Variants in CCDC6 observed in about 807,000 individuals in gnomAD.
The protein encoded by CCDC6 is coiled-coil domain containing 6, also known as coiled-coil domain-containing protein 6.
CCDC6 carries 20 observed loss-of-function variants against 56.6 expected under a neutral mutation model. The ratio of observed to expected loss-of-function variants is 0.35; its 90% CI spans 0.25 to 0.51. The LOEUF is 0.51. Among genes scored for constraint, CCDC6 ranks in the 20% least tolerant of loss-of-function variants. CCDC6 has a pLI of 0.95. For missense variants in CCDC6, 367 were observed against 601.1 expected, an observed-to-expected ratio of 0.61 and a Z score of 4.07; for synonymous variants, 241 against 234.4, an observed-to-expected ratio of 1.03 and a Z score of -0.26.
chr10:59,851,951 G>A (rs1486648209), intron 2 of CCDC6, among the ~76,000 whole-genome samples: 1 of 152,038 alleles, frequency 6.6e-6, no homozygotes, highest in African/African-American at 2.4e-5. Flanking sequence ...GGGAGAGAAT[G>A]AGCCTCTGAA....
At chr10:59,808,624 T>G (rs1487109196) in intron 5 of CCDC6, among the ~76,000 whole-genome samples, 1 of 152,224 alleles carries the variant, frequency 6.6e-6, no homozygotes, top group Non-Finnish European at 1.5e-5. Context: ...CATGAGCACG[T>G]CTAAGAGAGT....
intron 1 of CCDC6, among the ~76,000 whole-genome samples, chr10:59,860,016 A>G (rs118174720): frequency 0.016 from 2,509 of 152,278 alleles, 28 homozygotes; most frequent in Middle Eastern, 0.044. Flanking sequence ...TGGGAGGCAG[A>G]GGTTGCAGTG....
rs774748122 is a variant in CCDC6 at position 59,792,851 on chromosome 10, C to T, written c.*66G>A. The T allele has an allele frequency of 1.3e-5, 20 of 1,498,266 alleles. No homozygotes were observed. The highest frequency in any genetic ancestry group is 1.7e-5 in the Non-Finnish European group (18 of 1,074,800). The allele number at this position is 1,498,266 out of a possible 1,614,324, so 92.8% of individuals were successfully genotyped here. A position where few individuals can be genotyped will look rare whatever the true frequency, so the allele number is the denominator to read the frequency against. On this transcript the variant is annotated 3_prime_UTR_variant, in exon 9 of 9. Coordinates refer to ENST00000263102, the MANE Select transcript of CCDC6 (RefSeq NM_005436.5). ...ATCCAAATATGCCAGAGAAGGAAGC[C>T]TTTGGCGTTGAGTAGACGGCTCCAT...
At chr10:59,882,024 C>CG (rs2071341141) in intron 1 of CCDC6, among the ~76,000 whole-genome samples, 1 of 48,254 alleles carries the variant, frequency 2.1e-5, no homozygotes, top group Non-Finnish European at 3.7e-5. Flanking sequence ...AAAGGAAAGC[C>CG]GCGGGGAGAA....
chr10:59,874,115 G>A (rs1047662361), intron 1 of CCDC6, among the ~76,000 whole-genome samples: 3 of 54,878 alleles, frequency 5.5e-5, no homozygotes, highest in African/African-American at 7.4e-5. Context: ...CATTTACCTA[G>A]CAAACACACA....
In CCDC6 at chr10:59,790,316, A is replaced by G. The variant is rs1006158813; in HGVS notation, c.*2601T>C. 4.6e-6 allele frequency: 1 copy of G among 217,806 alleles called. No individual in the cohort carries two copies. The highest frequency in any genetic ancestry group is 2.3e-5 in the African/African-American group (1 of 44,410). 13.5% of individuals were successfully genotyped at this position (217,806 alleles called of 1,614,324 possible). ...CTGCAGGACGGCTACTGATTTTACA[A>G]AGGCCTTCTGGGAGCCAATCCAGGG... On this transcript the variant is annotated 3_prime_UTR_variant, in exon 9 of 9. Coordinates refer to ENST00000263102, the MANE Select transcript of CCDC6 (RefSeq NM_005436.5).
intron 1 of CCDC6, among the ~76,000 whole-genome samples, chr10:59,902,925 C>G (rs1463908009): frequency 6.6e-6 from 1 of 152,110 alleles, no homozygotes. Context: ...TGGAAACAAC[C>G]AAGATGCCCT....
intron 3 of CCDC6, among the ~76,000 whole-genome samples, chr10:59,820,102 C>CAGTAG (rs1442253913): frequency 3.3e-5 from 5 of 152,208 alleles, no homozygotes; most frequent in African/African-American, 1.2e-4. Flanking sequence ...CAGCCGGTCC[C>CAGTAG]ACTTGTGTCT....
intron 2 of CCDC6, among the ~76,000 whole-genome samples, chr10:59,849,192 A>G (rs2071018135): frequency 1.3e-5 from 2 of 152,208 alleles, no homozygotes; most frequent in Admixed American, 6.5e-5. Flanking sequence ...TGTCTCACCA[A>G]TCAGGTAGTG....
At chr10:59,844,065 T>C (rs570584106) in intron 2 of CCDC6, among the ~76,000 whole-genome samples, 5 of 152,200 alleles carry the variant, frequency 3.3e-5, no homozygotes, top group African/African-American at 1.2e-4. Flanking sequence ...TTCTTCACCA[T>C]CATGTTAATT....
chr10:59,795,022 T>C (rs1019086076), intron 7 of CCDC6, among the ~76,000 whole-genome samples: 1 of 151,506 alleles, frequency 6.6e-6, no homozygotes, highest in Admixed American at 6.6e-5. Context: ...AGAAGGAAAA[T>C]AGGGGAAAAG....
At chr10:59,817,751 G>A (rs923984182) in intron 3 of CCDC6, among the ~76,000 whole-genome samples, 1 of 152,206 alleles carries the variant, frequency 6.6e-6, no homozygotes, top group East Asian at 1.9e-4. Flanking sequence ...ATGTGACTCT[G>A]AGCAGGTCAC....
intron 1 of CCDC6, among the ~76,000 whole-genome samples, chr10:59,863,781 T>C (rs1160696899): frequency 6.6e-6 from 1 of 152,154 alleles, no homozygotes; most frequent in Non-Finnish European, 1.5e-5. Context: ...TAAATGACCT[T>C]AGAAAGCAAG....
rs1397156960 is a variant in CCDC6, at chr10:59,790,225, A to G, written c.*2692T>C. 4.6e-6 allele frequency: 1 copy of G among 217,404 alleles called. No individual in the cohort carries two copies. The highest frequency in any genetic ancestry group is 2.2e-5 in the African/African-American group (1 of 44,476). 13.5% of individuals were successfully genotyped at this position (217,404 alleles called of 1,614,324 possible). On this transcript the variant is annotated 3_prime_UTR_variant, in exon 9 of 9. Coordinates refer to ENST00000263102, the MANE Select transcript of CCDC6 (RefSeq NM_005436.5). ...CTTATCCTATTAGCAGCACAGTGGTAGCCAAGGGTCTCTGTCTGCAAGACA... is the reference window on the plus strand; with the variant it reads ...CTTATCCTATTAGCAGCACAGTGGTGGCCAAGGGTCTCTGTCTGCAAGACA...
At chr10:59,855,273 C>T (rs376674581) in intron 1 of CCDC6, among the ~76,000 whole-genome samples, 65 of 152,174 alleles carry the variant, frequency 4.3e-4, no homozygotes, top group African/African-American at 1.5e-3. Flanking sequence ...GTAGAAAGTA[C>T]ATTGTGGCTC....
intron 7 of CCDC6, among the ~76,000 whole-genome samples, chr10:59,794,799 A>G (rs1460128778): frequency 6.6e-6 from 1 of 152,180 alleles, no homozygotes; most frequent in Non-Finnish European, 1.5e-5. Context: ...GCCCAGAAAT[A>G]AACTCACACG....
intron 7 of CCDC6, among the ~76,000 whole-genome samples, chr10:59,800,259 C>G (rs918830830): frequency 6.6e-6 from 1 of 152,204 alleles, no homozygotes; most frequent in African/African-American, 2.4e-5. Context: ...TCATCAGCTT[C>G]CATGTGTGCT....
At chr10:59,892,339 T>C (rs2071428468) in intron 1 of CCDC6, among the ~76,000 whole-genome samples, 1 of 152,192 alleles carries the variant, frequency 6.6e-6, no homozygotes, top group African/African-American at 2.4e-5. Context: ...TGTGTTTACC[T>C]CCTGCAGTCC....
At chr10:59,851,835 T>C (rs2071042153) in intron 2 of CCDC6, among the ~76,000 whole-genome samples, 1 of 152,032 alleles carries the variant, frequency 6.6e-6, no homozygotes. Context: ...GAAAACTCAA[T>C]ATCCCACTTA....
Sources: allele counts gnomAD v4.1 joint callset (sites outside exome capture counted in the v4.1 genomes callset), GRCh38; gene constraint gnomAD v4.1.1; transcripts MANE v1.5; gene names NCBI Gene and HGNC (gene_info 2026-07-23, HGNC 2026-07-21).